ADGRE5: variants seen among roughly 807,000 people sequenced by gnomAD.
The protein encoded by ADGRE5 is CD97 molecule.
In ADGRE5, 72 loss-of-function variants were observed where a neutral mutation model predicts 100.3. That is an observed-to-expected ratio of 0.72 (90% CI 0.59 to 0.87). The LOEUF is 0.87. ADGRE5 is among the 40% of genes least tolerant of loss of function. The pLI is 0.00. For synonymous variants in ADGRE5, 439 were observed against 447.8 expected (o/e 0.98, Z 0.25); for missense variants, 959 against 1,094.7 (o/e 0.88, Z 1.75).
chr19:14,393,602 A>T (rs530679639), intron 4 of ADGRE5, among the ~76,000 whole-genome samples: 1 of 152,130 alleles, frequency 6.6e-6, no homozygotes, highest in East Asian at 1.9e-4. Context: ...GTGGGAGGTG[A>T]TGAGACTCAA....
rs201593144 is a variant in ADGRE5 at position 14,406,831 on chromosome 19, G to A, written c.2116-38G>A. On this transcript the variant is annotated intron_variant, in intron 16 of 19. Transcript: ENST00000242786. This position sits in a 1 kb window ranked among gnomAD's most constrained non-coding sequence, Gnocchi z 6.0. ...CAGGCCCAGGCCCGGCTGGACCATC[G>A]CTCTCGCCCTCTAACCCACAATCTG... The A allele has an allele frequency of 6.8e-6, 11 of 1,611,418 alleles. No individual in the cohort carries two copies. In the East Asian group the frequency reaches 1.6e-4, roughly 23 times the overall value.
intron 9 of ADGRE5, among the ~76,000 whole-genome samples, chr19:14,399,563 C>CGAA (rs1975927464): frequency 3.1e-5 from 1 of 31,826 alleles, no homozygotes; most frequent in African/African-American, 9.8e-5. Context: ...GACTCCGTCT[C>CGAA]AAAAAAAAAA....
At position 14,398,430 on chromosome 19, in the gene ADGRE5, A is replaced by G. The variant is rs544832791; in HGVS notation, c.897+291A>G. The G allele has an allele frequency of 3.2e-4, 117 of 369,806 alleles. No individual in the cohort carries two copies. The Middle Eastern group carries it at 3.3e-3, about 11-fold the overall frequency. The allele number at this position is 369,806 out of a possible 1,614,324, so 22.9% of individuals were successfully genotyped here. On this transcript the variant is annotated intron_variant, in intron 9 of 19. Coordinates refer to ENST00000242786, the MANE Select transcript of ADGRE5 (RefSeq NM_078481.4). Reference sequence around the variant, plus strand: ...CACGCCTGTAATCCCAGCACTTTGGAAGGCCGAGGTGGGCAGATCACGCGG... The same window carrying G: ...CACGCCTGTAATCCCAGCACTTTGGGAGGCCGAGGTGGGCAGATCACGCGG...
chr19:14,396,178 G>A lies in ADGRE5; in HGVS notation c.347-164G>A, dbSNP rs564339839. On this transcript the variant is annotated intron_variant, in intron 4 of 19. Transcript: ENST00000242786. The stretch of plus-strand genomic sequence containing the variant: ...TCCAGCCACATCTGGACAACAGAAG[G>A]ACTGAGCCACCACCCTCACCATAGG... 7.5e-3 allele frequency: 9,663 copies of A among 1,284,428 alleles called. 73 individuals carry two copies. The highest frequency in any genetic ancestry group is 8.8e-3 in the Middle Eastern group (32 of 3,650). 79.6% of individuals were successfully genotyped at this position (1,284,428 alleles called of 1,614,324 possible). A position where few individuals can be genotyped will look rare whatever the true frequency, so the allele number is the denominator to read the frequency against.
In ADGRE5 at chr19:14,406,045, C is replaced by A; in HGVS notation, c.1821+106C>A. The stretch of plus-strand genomic sequence containing the variant: ...CAGTCGGGTAGGCGGGCCCTGGAGG[C>A]ATGAGGCCCCGCCCCTGTCCGGGAT... On this transcript the variant is annotated intron_variant, in intron 14 of 19. Transcript: ENST00000242786. The surrounding 1 kb of genome is among the most constrained non-coding windows in gnomAD (Gnocchi z 6.0). 7.2e-6 allele frequency: 7 copies of A among 978,984 alleles called. No homozygotes were observed. The highest frequency in any genetic ancestry group is 1.0e-5 in the Non-Finnish European group (7 of 679,106). The allele number at this position is 978,984 out of a possible 1,614,324, so 60.6% of individuals were successfully genotyped here.
intron 3 of ADGRE5, among the ~76,000 whole-genome samples, chr19:14,390,052 G>C (rs112204503): frequency 6.8e-6 from 1 of 146,174 alleles, no homozygotes; most frequent in Admixed American, 6.8e-5. Context: ...CTCCAGCCTG[G>C]GCAACAAGAG....
chr19:14,382,148 A>C (rs1975180509), intron 1 of ADGRE5, among the ~76,000 whole-genome samples: 1 of 152,178 alleles, frequency 6.6e-6, no homozygotes, highest in African/African-American at 2.4e-5. Flanking sequence ...ACCCAAGGTG[A>C]CTGTAACGGT....
chr19:14,407,843 C>T, intron 18 of ADGRE5, 65 bp from the exon 19 acceptor site: 1 of 1,342,692 alleles, frequency 7.4e-7, no homozygotes, highest in Non-Finnish European at 1.1e-6. Context: ...GAGGGCAGAG[C>T]ATGGGGAGGA....
At chr19:14,397,554 C>A in intron 6 of ADGRE5, 104 bp from the exon 7 acceptor site, 17 of 1,595,856 alleles carry the variant, frequency 1.1e-5, no homozygotes, top group Non-Finnish European at 1.4e-5. Context: ...TCCACCACTC[C>A]AAGGGGGGCA....
intron 9 of ADGRE5, among the ~76,000 whole-genome samples, chr19:14,399,512 C>T (rs1006761150): frequency 2.2e-5 from 3 of 136,326 alleles, no homozygotes; most frequent in African/African-American, 5.4e-5. Flanking sequence ...TGCAGTGAGC[C>T]GAGATCCCGC....
intron 12 of ADGRE5, 80 bp from the exon 13 acceptor site, chr19:14,404,303 C>A: frequency 7.5e-7 from 1 of 1,334,194 alleles, no homozygotes; most frequent in Non-Finnish European, 1.0e-6. Context: ...TAAAAAGCAG[C>A]CCTCTTAGAC....
At chr19:14,388,554 T>C (rs2302093) in intron 2 of ADGRE5, 54 bp downstream of exon 2, 66,398 of 1,546,576 alleles carry the variant, frequency 0.043, 4,126 homozygotes, top group African/African-American at 0.32. Context: ...CTGGGGAGGG[T>C]CCTGGACCCC....
chr19:14,405,336 T>A (rs371085123), intron 13 of ADGRE5: 59 of 163,412 alleles, frequency 3.6e-4, no homozygotes, highest in South Asian at 6.7e-4. Context: ...AGAGGCGGGG[T>A]TTCACTATGT....
intron 4 of ADGRE5, among the ~76,000 whole-genome samples, chr19:14,395,906 G>C (rs916011238): frequency 1.3e-5 from 2 of 152,194 alleles, no homozygotes; most frequent in Non-Finnish European, 2.9e-5. Flanking sequence ...GCAGCATCCT[G>C]CTAGGGCCAC....
rs140068607 is a variant in ADGRE5, at chr19:14,408,102, C to T, written c.2489C>T (p.Ala830Val). The T allele has an allele frequency of 8.8e-4, 1,420 of 1,613,712 alleles. No individual in the cohort carries two copies. The highest frequency in any genetic ancestry group is 1.1e-3 in the Non-Finnish European group (1,286 of 1,180,024). ...GGCTCTCCTCTCCAGGCCCTCAGGGCATCAGAGTCCGGCATATGAAGGCGC... is the reference window on the plus strand; with the variant it reads ...GGCTCTCCTCTCCAGGCCCTCAGGGTATCAGAGTCCGGCATATGAAGGCGC... ...TGHNQTRALR[A>V]SESGI The change falls in exon 20 of 20, where the codon GCA becomes GTA. Residue 830 changes from alanine to valine, a missense_variant. Coordinates refer to ENST00000242786, the MANE Select transcript of ADGRE5 (RefSeq NM_078481.4).
In ADGRE5 at chr19:14,397,226, C is replaced by G. The variant is rs187745951; in HGVS notation, c.625+3C>G. 1.2e-4 allele frequency: 201 copies of G among 1,614,012 alleles called. No individual in the cohort carries two copies. The African/African-American group carries it at 1.8e-3, about 15-fold the overall frequency. The stretch of plus-strand genomic sequence containing the variant: ...CCCAAACAATACCGTCTGTGAAGGT[C>G]GAGAGCTCAGATCCCACGTTTCTAG... On this transcript the variant is annotated splice_donor_region_variant and intron_variant, in intron 6 of 19. Coordinates refer to ENST00000242786, the MANE Select transcript of ADGRE5 (RefSeq NM_078481.4).
chr19:14,399,842 T>C (rs1975941129), intron 9 of ADGRE5, among the ~76,000 whole-genome samples: 1 of 152,060 alleles, frequency 6.6e-6, no homozygotes, highest in Non-Finnish European at 1.5e-5. Context: ...CTAGATTATT[T>C]AGTTAGTTAG....
chr19:14,393,199 T>TA (rs34782681), intron 4 of ADGRE5, among the ~76,000 whole-genome samples: 76 of 145,382 alleles, frequency 5.2e-4, no homozygotes, highest in Non-Finnish European at 6.1e-4. Context: ...AGACTCCATC[T>TA]AAAAAAAAAA....
intron 9 of ADGRE5, among the ~76,000 whole-genome samples, chr19:14,398,751 C>G (rs1286680146): frequency 6.7e-6 from 1 of 149,860 alleles, no homozygotes; most frequent in East Asian, 1.9e-4. Flanking sequence ...ACTTCTTGCT[C>G]TGTGATCTAA....
Sources: gnomAD v4.1 joint callset for allele counts (sites outside exome capture counted in the v4.1 genomes callset) on GRCh38, gnomAD v4.1.1 for gene constraint, Gnocchi (gnomAD v3.1) non-coding constraint, MANE v1.5 for transcripts, NCBI Gene and HGNC (gene_info 2026-07-23, HGNC 2026-07-21) for gene names.